PLAAT3: variants seen among roughly 807,000 people sequenced by gnomAD.
PLAAT3 encodes phospholipase A and acyltransferase 3.
In PLAAT3, 21 loss-of-function variants were observed where a neutral mutation model predicts 16.7. That is an observed-to-expected ratio of 1.26 (90% CI 0.89 to 1.81). PLAAT3 has a LOEUF of 1.81. Ranked by LOEUF, PLAAT3 falls within the 40% of genes most tolerant of loss-of-function variation. The pLI is 0.00. For synonymous variants in PLAAT3, 76 were observed against 81.7 expected, an observed-to-expected ratio of 0.93 and a Z score of 0.38; for missense variants, 219 against 213.7, an observed-to-expected ratio of 1.02 and a Z score of -0.16.
intron 4 of PLAAT3, among the ~76,000 whole-genome samples, chr11:63,579,712 G>A (rs1385604920): frequency 8.2e-6 from 1 of 121,852 alleles, no homozygotes; most frequent in African/African-American, 3.1e-5. Flanking sequence ...TCACACACCA[G>A]GGCCTGTTGT....
Position 63,606,312 on chromosome 11 carries a change from G to A in PLAAT3, c.15+7688C>T, listed in dbSNP as rs1268903671. Among the ~76,000 whole-genome samples the A allele has an allele frequency of 3.9e-5, 6 of 152,102 alleles. 1 individual carries two copies. The highest frequency in any genetic ancestry group is 1.3e-4 in the Admixed American group (2 of 15,260). On this transcript the variant is annotated intron_variant, in intron 2 of 4. Coordinates refer to ENST00000415826, the MANE Select transcript of PLAAT3 (RefSeq NM_001128203.2). Reference sequence around the variant, plus strand: ...TAAAAAAATACCTTAGTAGGCCGGCGCGGTGGCTCACGCCTGTAATCCCAG... The same window carrying A: ...TAAAAAAATACCTTAGTAGGCCGGCACGGTGGCTCACGCCTGTAATCCCAG...
chr11:63,602,313 G>A (rs1233500324), intron 2 of PLAAT3, among the ~76,000 whole-genome samples: 2 of 151,290 alleles, frequency 1.3e-5, no homozygotes, highest in African/African-American at 2.4e-5. Flanking sequence ...TGATTAAAGG[G>A]AACAAATAAA....
chr11:63,592,917 T>C (rs1378263116), intron 3 of PLAAT3, among the ~76,000 whole-genome samples: 1 of 152,218 alleles, frequency 6.6e-6, no homozygotes, highest in Non-Finnish European at 1.5e-5. Flanking sequence ...CTATCCCACA[T>C]GACTCCTGTG....
intron 4 of PLAAT3, among the ~76,000 whole-genome samples, chr11:63,587,557 C>CTT (rs202174219): frequency 7.3e-5 from 10 of 136,750 alleles, no homozygotes; most frequent in South Asian, 2.3e-4. Flanking sequence ...TTTCTTGGGT[C>CTT]TTTTTTTTTT....
chr11:63,611,201 G>A (rs1938684367), intron 2 of PLAAT3, among the ~76,000 whole-genome samples: 2 of 151,988 alleles, frequency 1.3e-5, no homozygotes, highest in African/African-American at 2.4e-5. Flanking sequence ...TCGACCTCCC[G>A]GGCTCAAGTG....
intron 3 of PLAAT3, among the ~76,000 whole-genome samples, chr11:63,597,412 G>A (rs1938316719): frequency 6.6e-6 from 1 of 152,136 alleles, no homozygotes; most frequent in Non-Finnish European, 1.5e-5. Flanking sequence ...AGTAGTCCCA[G>A]CTACTCAGGA....
upstream of PLAAT3, among the ~76,000 whole-genome samples, chr11:63,615,076 G>GTGTGTATA (rs1555047825): frequency 1.5e-3 from 48 of 31,696 alleles, no homozygotes; most frequent in Non-Finnish European, 3.8e-3. Context: ...GTGTATATAT[G>GTGTGTATA]TGTGTATATA....
At chr11:63,576,706 G>A (rs1467477519) in intron 4 of PLAAT3, among the ~76,000 whole-genome samples, 1 of 152,178 alleles carries the variant, frequency 6.6e-6, no homozygotes, top group Non-Finnish European at 1.5e-5. Flanking sequence ...TATATATAGA[G>A]GGTAAGAGAA....
At chr11:63,615,162 A>G (rs199685936), upstream of PLAAT3, among the ~76,000 whole-genome samples, 104 of 7,082 alleles carry the variant, frequency 0.015, 31 homozygotes, top group East Asian at 0.084. Flanking sequence ...ATATATGTGT[A>G]TATATGTGTG....
chr11:63,614,874 G>C (rs1773484703), upstream of PLAAT3, among the ~76,000 whole-genome samples: 1 of 150,766 alleles, frequency 6.6e-6, no homozygotes, highest in Admixed American at 6.6e-5. Flanking sequence ...AATTAGCCGG[G>C]CGTGGAGGCA....
At chr11:63,601,714 G>A (rs1451996376) in intron 2 of PLAAT3, among the ~76,000 whole-genome samples, 8 of 152,106 alleles carry the variant, frequency 5.3e-5, no homozygotes, top group Non-Finnish European at 7.4e-5. Flanking sequence ...AGTGGCTCAC[G>A]CCTGTAATCC....
intron 2 of PLAAT3, among the ~76,000 whole-genome samples, chr11:63,607,843 G>T (rs1335733270): frequency 6.6e-6 from 1 of 151,946 alleles, no homozygotes; most frequent in Admixed American, 6.6e-5. Flanking sequence ...TTGGGGTTTG[G>T]TCAGAAGCAG....
chr11:63,577,130 C>T (rs1379150718), intron 4 of PLAAT3, among the ~76,000 whole-genome samples: 1 of 147,868 alleles, frequency 6.8e-6, no homozygotes, highest in Non-Finnish European at 1.5e-5. Flanking sequence ...AGTTGGTTTT[C>T]TTTGAATTCA....
At chr11:63,586,908 A>G (rs1937993794) in intron 4 of PLAAT3, among the ~76,000 whole-genome samples, 1 of 152,298 alleles carries the variant, frequency 6.6e-6, no homozygotes, top group East Asian at 1.9e-4. Flanking sequence ...ATATGGGGAA[A>G]CCACATCTCT....
intron 4 of PLAAT3, among the ~76,000 whole-genome samples, chr11:63,584,126 A>T (rs962158990): frequency 6.6e-6 from 1 of 152,216 alleles, no homozygotes; most frequent in Non-Finnish European, 1.5e-5. Context: ...AAATATTTGC[A>T]TAAAAATTTG....
chr11:63,593,826 C>T (rs926072223), intron 3 of PLAAT3, among the ~76,000 whole-genome samples: 22 of 152,164 alleles, frequency 1.4e-4, no homozygotes, highest in African/African-American at 5.1e-4. Flanking sequence ...GTGATTCACC[C>T]ACCTCAGCCT....
chr11:63,584,965 G>T (rs1565248346), intron 4 of PLAAT3, among the ~76,000 whole-genome samples: 1 of 151,986 alleles, frequency 6.6e-6, no homozygotes, highest in Non-Finnish European at 1.5e-5. Flanking sequence ...AAAAATACTG[G>T]TGGACATTTT....
At chr11:63,578,887 T>C (rs1937704632) in intron 4 of PLAAT3, among the ~76,000 whole-genome samples, 1 of 151,800 alleles carries the variant, frequency 6.6e-6, no homozygotes, top group African/African-American at 2.4e-5. Context: ...CTAATTAAAC[T>C]AAAGAGCTTC....
At chr11:63,589,683 T>C (rs563646564) in intron 4 of PLAAT3, among the ~76,000 whole-genome samples, 148 of 152,220 alleles carry the variant, frequency 9.7e-4, no homozygotes, top group African/African-American at 3.4e-3. Flanking sequence ...AAAAGACAGG[T>C]ACCAGGTCTG....
Sources: gnomAD v4.1 joint callset for allele counts (sites outside exome capture counted in the v4.1 genomes callset) on GRCh38, gnomAD v4.1.1 for gene constraint, MANE v1.5 for transcripts, NCBI Gene and HGNC (gene_info 2026-07-23, HGNC 2026-07-21) for gene names.